Variants in ANKS1B observed in about 807,000 individuals in gnomAD.
The protein encoded by ANKS1B is ankyrin repeat and sterile alpha motif domain containing 1B, also known as ankyrin repeat and sterile alpha motif domain-containing protein 1B.
A neutral mutation model predicts 148.3 loss-of-function variants in ANKS1B; 36 were observed. The ratio of observed to expected loss-of-function variants is 0.24; its 90% CI spans 0.19 to 0.32. The LOEUF (loss-of-function observed/expected upper bound fraction) is 0.32. Ranked by LOEUF, ANKS1B falls within the 10% of genes least tolerant of loss-of-function variation. The pLI, the probability that ANKS1B is intolerant of heterozygous loss-of-function variation, is 1.00. For synonymous variants in ANKS1B, 542 were observed against 560.8 expected, an observed-to-expected ratio of 0.97 and a Z score of 0.47; for missense variants, 1,157 against 1,542.6, an observed-to-expected ratio of 0.75 and a Z score of 4.19.
intron 4 of ANKS1B, among the ~76,000 whole-genome samples, chr12:99,787,061 T>C (rs1408000036): frequency 6.6e-6 from 1 of 152,182 alleles, no homozygotes; most frequent in Admixed American, 6.5e-5. Flanking sequence ...ATATTTAAAA[T>C]CAATGGCTTA....
chr12:98,889,010 CAG>C (rs1474674031), intron 17 of ANKS1B, among the ~76,000 whole-genome samples: 1 of 152,208 alleles, frequency 6.6e-6, no homozygotes, highest in Non-Finnish European at 1.5e-5. Flanking sequence ...TGGATACACA[CAG>C]AGATTGTTTC....
At position 99,973,759 on chromosome 12, in the gene ANKS1B, GACTA is replaced by G. The variant is rs199931789; in HGVS notation, c.134+10341_134+10344del. ...AAATAGAAGTGAAGCCTGAAAATTG[GACTA>G]ACTGACAACAATCTCATGATAAAAT... On this transcript the variant is annotated intron_variant, in intron 1 of 26. Coordinates refer to ENST00000683438, the MANE Select transcript of ANKS1B (RefSeq NM_001352186.2). Among the ~76,000 whole-genome samples, 274 of 152,288 alleles carry G rather than the reference GACTA, an allele frequency of 1.8e-3. 1 individual carries two copies. The highest frequency in any genetic ancestry group is 3.1e-3 in the Non-Finnish European group (214 of 68,030).
intron 17 of ANKS1B, among the ~76,000 whole-genome samples, chr12:98,979,136 T>C (rs978406632): frequency 1.3e-5 from 2 of 151,738 alleles, no homozygotes; most frequent in Admixed American, 1.3e-4. Flanking sequence ...AGCGAGACTC[T>C]GTCTCAAAAA....
chr12:99,219,777 A>C (rs1246346171), intron 14 of ANKS1B, among the ~76,000 whole-genome samples: 1 of 152,232 alleles, frequency 6.6e-6, no homozygotes, highest in Admixed American at 6.5e-5. Context: ...TCTTTCTAAG[A>C]ATTCAGTCTT....
At chr12:99,744,202 T>C (rs2060376999) in intron 8 of ANKS1B, among the ~76,000 whole-genome samples, 1 of 152,198 alleles carries the variant, frequency 6.6e-6, no homozygotes, top group African/African-American at 2.4e-5. Context: ...GGGAAAGGTT[T>C]CAAGTGAATT....
intron 15 of ANKS1B, among the ~76,000 whole-genome samples, chr12:99,146,356 T>TAA (rs1379445017): frequency 6.6e-6 from 1 of 152,116 alleles, no homozygotes; most frequent in East Asian, 1.9e-4. Context: ...GAGGGACAGT[T>TAA]ACGCCAGCCA....
chr12:99,731,222 G>A (rs749086405), intron 8 of ANKS1B, among the ~76,000 whole-genome samples: 2 of 152,150 alleles, frequency 1.3e-5, no homozygotes, highest in Admixed American at 6.5e-5. Context: ...AGGCTCAAGC[G>A]ATTCTCCTGC....
chr12:99,521,939 C>A (rs997824653), intron 9 of ANKS1B, among the ~76,000 whole-genome samples: 2 of 152,206 alleles, frequency 1.3e-5, no homozygotes, highest in Non-Finnish European at 1.5e-5. Context: ...GGTAGCAAAG[C>A]CAGCCAGGTC....
At chr12:98,913,442 G>A (rs562871607) in intron 17 of ANKS1B, among the ~76,000 whole-genome samples, 1 of 152,208 alleles carries the variant, frequency 6.6e-6, no homozygotes, top group South Asian at 2.1e-4. Flanking sequence ...GATCCTCCAA[G>A]GTGCAGCTCG....
chr12:99,104,763 G>GTC (rs952956981), intron 15 of ANKS1B: 11 of 152,240 alleles, frequency 7.2e-5, no homozygotes, highest in Admixed American at 7.2e-4. Context: ...TCTGACTACT[G>GTC]TCTCTTTACC....
intron 14 of ANKS1B, among the ~76,000 whole-genome samples, chr12:99,182,939 C>G (rs938975582): frequency 2.6e-4 from 40 of 152,222 alleles, no homozygotes; most frequent in African/African-American, 9.4e-4. Flanking sequence ...TTATATGTCT[C>G]TTTGCCATAT....
chr12:99,262,985 T>A (rs144612608), intron 12 of ANKS1B, among the ~76,000 whole-genome samples: 1,972 of 152,184 alleles, frequency 0.013, 15 homozygotes, highest in Middle Eastern at 0.024. Flanking sequence ...AGTTAATAGC[T>A]AATATTACTG....
At chr12:99,178,647 GTTA>G (rs1259179513) in intron 14 of ANKS1B, among the ~76,000 whole-genome samples, 2 of 152,126 alleles carry the variant, frequency 1.3e-5, no homozygotes, top group African/African-American at 4.8e-5. Context: ...GTTCCCTATT[GTTA>G]TTATATTTTT....
intron 12 of ANKS1B, among the ~76,000 whole-genome samples, chr12:99,388,109 T>A (rs1187416517): frequency 6.6e-6 from 1 of 152,160 alleles, no homozygotes; most frequent in Non-Finnish European, 1.5e-5. Context: ...AACAGCGGAA[T>A]GGCATGATCA....
chr12:99,727,473 C>T (rs1172504992), intron 8 of ANKS1B, among the ~76,000 whole-genome samples: 1 of 152,046 alleles, frequency 6.6e-6, no homozygotes, highest in East Asian at 1.9e-4. Context: ...CAAACCACTG[C>T]TCAAGGAAAT....
intron 12 of ANKS1B, among the ~76,000 whole-genome samples, chr12:99,390,310 G>T (rs1453097669): frequency 1.3e-5 from 2 of 152,136 alleles, no homozygotes; most frequent in African/African-American, 4.8e-5. Context: ...TCCTCTTCCA[G>T]GGCTGGACAG....
chr12:99,432,435 G>A (rs954631496), intron 11 of ANKS1B, among the ~76,000 whole-genome samples: 6 of 152,140 alleles, frequency 3.9e-5, no homozygotes, highest in Middle Eastern at 6.8e-3. Flanking sequence ...TCTCAGTGCC[G>A]AAATTGAGCA....
At chr12:99,655,018 T>G in intron 9 of ANKS1B, 49 bp downstream of exon 9, 1 of 1,526,742 alleles carries the variant, frequency 6.5e-7, no homozygotes, top group Non-Finnish European at 8.8e-7. Flanking sequence ...CTTAAAAACA[T>G]AGGCAACCAT....
At chr12:99,570,743 T>C (rs2097447195) in intron 9 of ANKS1B, among the ~76,000 whole-genome samples, 1 of 152,044 alleles carries the variant, frequency 6.6e-6, no homozygotes, top group Non-Finnish European at 1.5e-5. Flanking sequence ...TCCCTATCTC[T>C]GTATGTTTGA....
Sources: gnomAD v4.1 joint callset for allele counts (sites outside exome capture counted in the v4.1 genomes callset) on GRCh38, gnomAD v4.1.1 for gene constraint, MANE v1.5 for transcripts, NCBI Gene and HGNC (gene_info 2026-07-23, HGNC 2026-07-21) for gene names.